The following NWD2 variants were observed in gnomAD, a reference collection of about 807,000 sequenced individuals.
NWD2 encodes NACHT and WD repeat domain-containing protein 2.
A neutral mutation model predicts 132.7 loss-of-function variants in NWD2; 37 were observed. That is an observed-to-expected ratio of 0.28 (90% CI 0.21 to 0.37). NWD2 has a LOEUF of 0.37. Ranked by LOEUF, NWD2 falls within the 10% of genes least tolerant of loss-of-function variation. The pLI is 1.00. For synonymous variants in NWD2, 705 were observed against 803.0 expected, an observed-to-expected ratio of 0.88 and a Z score of 2.06; for missense variants, 1,592 against 2,122.4, an observed-to-expected ratio of 0.75 and a Z score of 4.91.
At chr4:37,346,016 A>G (rs558413381) in intron 2 of NWD2, among the ~76,000 whole-genome samples, 1 of 148,240 alleles carries the variant, frequency 6.7e-6, no homozygotes, top group African/African-American at 2.5e-5. Flanking sequence ...TGGGAGGCAG[A>G]GGTTGTAGTG....
intron 3 of NWD2, among the ~76,000 whole-genome samples, chr4:37,364,212 A>G (rs1464916380): frequency 1.3e-5 from 2 of 152,200 alleles, no homozygotes; most frequent in Non-Finnish European, 2.9e-5. Context: ...GCTTAGTTAC[A>G]GTATTGGAGA....
intron 5 of NWD2, among the ~76,000 whole-genome samples, chr4:37,437,125 T>C (rs538375362): frequency 6.6e-6 from 1 of 152,296 alleles, no homozygotes; most frequent in East Asian, 1.9e-4. Flanking sequence ...TATATGTATA[T>C]ATATTCTAGA....
At chr4:37,250,754 G>T (rs1717341665) in intron 1 of NWD2, among the ~76,000 whole-genome samples, 1 of 152,118 alleles carries the variant, frequency 6.6e-6, no homozygotes, top group African/African-American at 2.4e-5. Context: ...TTAATGACAG[G>T]GATATGTTCT....
intron 1 of NWD2, among the ~76,000 whole-genome samples, chr4:37,256,931 G>A (rs1007765862): frequency 6.6e-5 from 10 of 152,126 alleles, no homozygotes; most frequent in African/African-American, 2.4e-4. Flanking sequence ...TAAGAGGTGG[G>A]ATCTATGACT....
intron 1 of NWD2, among the ~76,000 whole-genome samples, chr4:37,256,629 C>T (rs1334418655): frequency 1.3e-5 from 2 of 152,062 alleles, no homozygotes; most frequent in Admixed American, 6.6e-5. Flanking sequence ...AATCTGCTAC[C>T]GACACTGAAA....
At chr4:37,354,682 C>A (rs1370509819) in intron 2 of NWD2, among the ~76,000 whole-genome samples, 1 of 152,194 alleles carries the variant, frequency 6.6e-6, no homozygotes, top group East Asian at 1.9e-4. Flanking sequence ...GAGGGAGACA[C>A]TTCCTCAGCA....
chr4:37,289,855 A>T (rs553054832), intron 1 of NWD2, among the ~76,000 whole-genome samples: 4 of 151,800 alleles, frequency 2.6e-5, no homozygotes, highest in Admixed American at 2.0e-4. Context: ...CTTCCAACAG[A>T]TTAGTTTCAG....
At chr4:37,285,651 A>C (rs1319671735) in intron 1 of NWD2, among the ~76,000 whole-genome samples, 1 of 152,068 alleles carries the variant, frequency 6.6e-6, no homozygotes, top group African/African-American at 2.4e-5. Context: ...TTTTGGTTTC[A>C]TTTGAGCTGG....
intron 3 of NWD2, among the ~76,000 whole-genome samples, chr4:37,388,622 T>TTATATATCATATATAAA (rs1720616840): frequency 8.2e-6 from 1 of 121,564 alleles, no homozygotes; most frequent in African/African-American, 3.8e-5. Context: ...AAATATATAT[T>TTATATATCATATATAAA]TATGTTATAT....
chr4:37,245,622 C>G (rs1717223948), intron 1 of NWD2, among the ~76,000 whole-genome samples: 1 of 151,828 alleles, frequency 6.6e-6, no homozygotes, highest in Admixed American at 6.6e-5. Flanking sequence ...CTCCCCGAGG[C>G]GGGTTCCTGA....
At chr4:37,266,301 T>G (rs1405223612) in intron 1 of NWD2, among the ~76,000 whole-genome samples, 4 of 152,052 alleles carry the variant, frequency 2.6e-5, no homozygotes, top group African/African-American at 9.7e-5. Flanking sequence ...AGACCAGGGG[T>G]GGATCTGGCC....
chr4:37,273,812 AC>A lies in NWD2; in HGVS notation c.151+28596del, dbSNP rs1202001017. 1.3e-4 allele frequency among the ~76,000 whole-genome samples: 20 copies of A among 152,282 alleles called. 1 individual carries two copies. The East Asian group carries it at 3.9e-3, about 29-fold the overall frequency. The stretch of plus-strand genomic sequence containing the variant: ...AGCTCAACTACATGGAAACTGAACA[AC>A]CTGCTCCTGAATGACTACTGGGTAC... On this transcript the variant is annotated intron_variant, in intron 1 of 6. Transcript: ENST00000309447.
At chr4:37,306,397 G>A (rs1718709366) in intron 1 of NWD2, among the ~76,000 whole-genome samples, 1 of 151,982 alleles carries the variant, frequency 6.6e-6, no homozygotes, top group Non-Finnish European at 1.5e-5. Flanking sequence ...GATAGCTTGA[G>A]GCACAACATG....
chr4:37,360,269 A>G (rs973208708), intron 3 of NWD2, among the ~76,000 whole-genome samples: 3 of 152,162 alleles, frequency 2.0e-5, no homozygotes, highest in African/African-American at 7.2e-5. Flanking sequence ...ATAACTTAAA[A>G]TGTAATTTAT....
chr4:37,292,976 G>T (rs1025470727), intron 1 of NWD2, among the ~76,000 whole-genome samples: 1 of 152,156 alleles, frequency 6.6e-6, no homozygotes, highest in African/African-American at 2.4e-5. Context: ...TTCGTGACCT[G>T]GGGGTTGGGG....
At chr4:37,285,063 C>T (rs765721231) in intron 1 of NWD2, among the ~76,000 whole-genome samples, 28 of 152,024 alleles carry the variant, frequency 1.8e-4, no homozygotes, top group African/African-American at 5.3e-4. Flanking sequence ...TGTAAATGAC[C>T]GTCAGTACCA....
intron 2 of NWD2, among the ~76,000 whole-genome samples, chr4:37,330,236 G>C (rs1276825013): frequency 6.6e-6 from 1 of 152,022 alleles, no homozygotes; most frequent in East Asian, 1.9e-4. Flanking sequence ...TATATGTGAT[G>C]GGTACATATA....
intron 1 of NWD2, among the ~76,000 whole-genome samples, chr4:37,250,279 G>C (rs1717332665): frequency 6.6e-6 from 1 of 152,118 alleles, no homozygotes; most frequent in Admixed American, 6.5e-5. Flanking sequence ...AGGACATTTA[G>C]AGTAAATGAG....
intron 1 of NWD2, among the ~76,000 whole-genome samples, chr4:37,308,744 G>A (rs1718766710): frequency 1.3e-5 from 2 of 151,436 alleles, no homozygotes; most frequent in African/African-American, 2.4e-5. Context: ...TCAGGCCCCT[G>A]GTTGAGGGTA....
Sources: gnomAD v4.1 joint callset for allele counts (sites outside exome capture counted in the v4.1 genomes callset) on GRCh38, gnomAD v4.1.1 for gene constraint, MANE v1.5 for transcripts, NCBI Gene and HGNC (gene_info 2026-07-23, HGNC 2026-07-21) for gene names.